IGF2BP2: variants seen among roughly 807,000 people sequenced by gnomAD.
IGF2BP2 encodes insulin like growth factor 2 mRNA binding protein 2, also known as insulin-like growth factor 2 mRNA-binding protein 2.
IGF2BP2 carries 17 observed loss-of-function variants against 75.8 expected under a neutral mutation model. The observed-to-expected ratio is 0.22, with a 90% CI of 0.15 to 0.34. The LOEUF is 0.34. Ranked by LOEUF, IGF2BP2 falls within the 10% of genes least tolerant of loss-of-function variation. The pLI is 1.00. For synonymous variants in IGF2BP2, 288 were observed against 295.6 expected, an observed-to-expected ratio of 0.97 and a Z score of 0.26; for missense variants, 516 against 772.4, an observed-to-expected ratio of 0.67 and a Z score of 3.93.
chr3:185,793,006 C>T (rs1363602669), intron 2 of IGF2BP2, among the ~76,000 whole-genome samples: 1 of 152,144 alleles, frequency 6.6e-6, no homozygotes, highest in Non-Finnish European at 1.5e-5. Flanking sequence ...CAACACTTTG[C>T]TCATGGTGAT....
intron 2 of IGF2BP2, among the ~76,000 whole-genome samples, chr3:185,769,207 T>TG (rs1389376566): frequency 6.6e-6 from 1 of 151,766 alleles, no homozygotes; most frequent in East Asian, 1.9e-4. Context: ...TAGCTGAGCA[T>TG]GGGGAGGCTG....
At position 185,692,982 on chromosome 3, in the gene IGF2BP2, A is replaced by AT. The variant is rs553038322; in HGVS notation, c.341-221dup. The stretch of plus-strand genomic sequence containing the variant: ...AATCGTATGAACAACTCAGAACTAT[A>AT]TTTTCCACATATTTTATAAACACTT... On this transcript the variant is annotated intron_variant, in intron 4 of 15. Coordinates refer to ENST00000382199, the MANE Select transcript of IGF2BP2 (RefSeq NM_006548.6). 1.9e-3 allele frequency among the ~76,000 whole-genome samples: 283 copies of AT among 152,292 alleles called. 1 individual carries two copies. The highest frequency in any genetic ancestry group is 3.3e-3 in the South Asian group (16 of 4,828).
At chr3:185,659,358 A>G (rs1306906125) in intron 10 of IGF2BP2, among the ~76,000 whole-genome samples, 1 of 152,162 alleles carries the variant, frequency 6.6e-6, no homozygotes, top group Admixed American at 6.6e-5. Flanking sequence ...AGAAATTTAG[A>G]AAGTAGCTGC....
At chr3:185,723,898 CA>C (rs1249964768) in intron 2 of IGF2BP2, among the ~76,000 whole-genome samples, 1 of 152,188 alleles carries the variant, frequency 6.6e-6, no homozygotes, top group Non-Finnish European at 1.5e-5. Flanking sequence ...AGTGATCCTG[CA>C]GAGAAAACAC....
chr3:185,675,776 G>C lies in IGF2BP2; in HGVS notation c.935+15C>G. 1 of 1,611,568 alleles carries C rather than the reference G, an allele frequency of 6.2e-7. No individual in the cohort carries two copies. On this transcript the variant is annotated intron_variant, in intron 8 of 15. Transcript: ENST00000382199. Reference sequence around the variant, plus strand: ...TTCCATTATTGGGCATGAGTAATCTGAGTAAGTGGCTTACGATGAGATTGT... The same window carrying C: ...TTCCATTATTGGGCATGAGTAATCTCAGTAAGTGGCTTACGATGAGATTGT...
chr3:185,710,416 A>C (rs1724637748), intron 2 of IGF2BP2, among the ~76,000 whole-genome samples: 1 of 152,202 alleles, frequency 6.6e-6, no homozygotes, highest in East Asian at 1.9e-4. Context: ...CCTCTGTTAC[A>C]GGAAGGGATA....
intron 6 of IGF2BP2, 44 bp downstream of exon 6, chr3:185,689,311 G>A (rs1179171652): frequency 3.1e-6 from 5 of 1,592,096 alleles, no homozygotes; most frequent in Non-Finnish European, 4.3e-6. Flanking sequence ...CAGCACGCAG[G>A]GGACCCCTCA....
chr3:185,727,375 G>C (rs1727495303), intron 2 of IGF2BP2, among the ~76,000 whole-genome samples: 1 of 152,188 alleles, frequency 6.6e-6, no homozygotes, highest in Non-Finnish European at 1.5e-5. Context: ...CTATGCACCA[G>C]CCTTAGCCTC....
chr3:185,713,279 G>A (rs899100147), intron 2 of IGF2BP2: 5 of 379,894 alleles, frequency 1.3e-5, no homozygotes, highest in Non-Finnish European at 2.6e-5. Flanking sequence ...AGTAATATAG[G>A]GATACTCCAC....
intron 2 of IGF2BP2, among the ~76,000 whole-genome samples, chr3:185,777,505 A>T (rs1734673905): frequency 6.6e-6 from 1 of 152,128 alleles, no homozygotes; most frequent in African/African-American, 2.4e-5. Flanking sequence ...AAACAACAAC[A>T]ATAACAAAAT....
At chr3:185,821,403 G>A (rs1017800582) in intron 2 of IGF2BP2, among the ~76,000 whole-genome samples, 1 of 151,984 alleles carries the variant, frequency 6.6e-6, no homozygotes, top group African/African-American at 2.4e-5. Context: ...CTAAAAACTG[G>A]GGACATGCCT....
intron 2 of IGF2BP2, among the ~76,000 whole-genome samples, chr3:185,739,222 G>C (rs1239060123): frequency 1.3e-5 from 2 of 152,106 alleles, no homozygotes; most frequent in Admixed American, 6.5e-5. Flanking sequence ...AACTGTACTA[G>C]GTTACAAGCC....
intron 2 of IGF2BP2, among the ~76,000 whole-genome samples, chr3:185,714,860 C>G (rs1725357228): frequency 6.6e-6 from 1 of 152,250 alleles, no homozygotes; most frequent in African/African-American, 2.4e-5. Flanking sequence ...TGCTTTTTCT[C>G]AGTATTCAGG....
chr3:185,646,986 G>A (rs1388344182), intron 15 of IGF2BP2, 39 bp downstream of exon 15: 1 of 1,473,520 alleles, frequency 6.8e-7, no homozygotes. Flanking sequence ...GAATTGAAAA[G>A]AGACTTGCAG....
At chr3:185,717,001 C>CA (rs1444650419) in intron 2 of IGF2BP2, 1 of 349,954 alleles carries the variant, frequency 2.9e-6, no homozygotes, top group Non-Finnish European at 5.7e-6. Context: ...TGACTATAAA[C>CA]AAGTGAACAG....
chr3:185,665,971 TAGAC>T (rs1159094442), intron 10 of IGF2BP2, among the ~76,000 whole-genome samples: 1 of 150,490 alleles, frequency 6.6e-6, no homozygotes, highest in Non-Finnish European at 1.5e-5. Context: ...TGTCTCTAGA[TAGAC>T]AGATAGATAG....
At chr3:185,791,803 C>A (rs1736678719) in intron 2 of IGF2BP2, among the ~76,000 whole-genome samples, 1 of 152,196 alleles carries the variant, frequency 6.6e-6, no homozygotes, top group Non-Finnish European at 1.5e-5. Flanking sequence ...TGTTTCTACA[C>A]AAAAACACAT....
At chr3:185,697,917 C>T (rs1722792408) in intron 3 of IGF2BP2, among the ~76,000 whole-genome samples, 2 of 152,010 alleles carry the variant, frequency 1.3e-5, no homozygotes, top group Admixed American at 6.6e-5. Flanking sequence ...ATCCCTGGAC[C>T]CGGCTGCAGT....
intron 7 of IGF2BP2, among the ~76,000 whole-genome samples, 155 bp downstream of exon 7, chr3:185,686,902 T>C (rs146845491): frequency 6.1e-4 from 92 of 152,050 alleles, no homozygotes; most frequent in African/African-American, 2.2e-3. Flanking sequence ...TCCCACTGTA[T>C]TCTACTTGGG....
Sources: gnomAD v4.1 joint callset for allele counts (sites outside exome capture counted in the v4.1 genomes callset) on GRCh38, gnomAD v4.1.1 for gene constraint, MANE v1.5 for transcripts, NCBI Gene and HGNC (gene_info 2026-07-23, HGNC 2026-07-21) for gene names.